Variants in CPNE4 observed in about 807,000 individuals in gnomAD.
The protein encoded by CPNE4 is copine 4.
Under a neutral mutation model 67.9 loss-of-function variants are expected in CPNE4, and 25 were observed. The ratio of observed to expected loss-of-function variants is 0.37; its 90% CI spans 0.27 to 0.51. The LOEUF is 0.51. Ranked by LOEUF, CPNE4 falls within the 20% of genes least tolerant of loss-of-function variation. The pLI is 0.93. For missense variants in CPNE4, 464 were observed against 690.8 expected (o/e 0.67, Z 3.68); for synonymous variants, 242 against 244.9 (o/e 0.99, Z 0.11).
chr3:131,904,328 A>G (rs930041002), intron 2 of CPNE4, among the ~76,000 whole-genome samples: 3 of 152,086 alleles, frequency 2.0e-5, no homozygotes, highest in African/African-American at 7.2e-5. Context: ...TGATTTCCAC[A>G]TGCAGGATTC....
chr3:131,692,249 C>A (rs969911259), intron 5 of CPNE4, among the ~76,000 whole-genome samples: 1 of 152,022 alleles, frequency 6.6e-6, no homozygotes, highest in Non-Finnish European at 1.5e-5. Context: ...TTTTGTGACT[C>A]TGGGAAATGT....
At chr3:131,805,667 T>G (rs1476896872) in intron 2 of CPNE4, among the ~76,000 whole-genome samples, 1 of 152,162 alleles carries the variant, frequency 6.6e-6, no homozygotes, top group Non-Finnish European at 1.5e-5. Context: ...AAAAATGGTT[T>G]CTTCATGTAA....
chr3:132,003,204 T>C (rs941171342), intron 1 of CPNE4, among the ~76,000 whole-genome samples: 1 of 152,148 alleles, frequency 6.6e-6, no homozygotes, highest in Non-Finnish European at 1.5e-5. Context: ...TTCATATGCA[T>C]GTGAATTGAC....
chr3:131,924,403 A>G (rs1272126328), intron 1 of CPNE4, among the ~76,000 whole-genome samples: 1 of 152,214 alleles, frequency 6.6e-6, no homozygotes, highest in Admixed American at 6.5e-5. Flanking sequence ...AAATGATTTA[A>G]TGTAAATCAC....
At chr3:131,754,844 A>G (rs2082715592) in intron 2 of CPNE4, among the ~76,000 whole-genome samples, 1 of 152,164 alleles carries the variant, frequency 6.6e-6, no homozygotes, top group Admixed American at 6.5e-5. Flanking sequence ...GGTATTTTGT[A>G]TTTGATGAAT....
intron 1 of CPNE4, among the ~76,000 whole-genome samples, chr3:131,943,680 C>A (rs1029923598): frequency 2.0e-5 from 3 of 152,108 alleles, no homozygotes; most frequent in Non-Finnish European, 4.4e-5. Context: ...CCTTCTCCTG[C>A]AGCATCCATC....
At chr3:131,652,131 T>G (rs2079829103) in intron 7 of CPNE4, among the ~76,000 whole-genome samples, 1 of 152,252 alleles carries the variant, frequency 6.6e-6, no homozygotes, top group Non-Finnish European at 1.5e-5. Context: ...GTGCGGCTGC[T>G]AAGTCTCAAA....
intron 6 of CPNE4, among the ~76,000 whole-genome samples, chr3:131,683,278 C>T (rs2080803324): frequency 6.6e-6 from 1 of 152,214 alleles, no homozygotes; most frequent in African/African-American, 2.4e-5. Context: ...GTGTTTCACC[C>T]AAGGCCCATG....
At chr3:131,874,862 C>G (rs1308176505) in intron 2 of CPNE4, among the ~76,000 whole-genome samples, 1 of 152,142 alleles carries the variant, frequency 6.6e-6, no homozygotes, top group Non-Finnish European at 1.5e-5. Flanking sequence ...AGGAAAATCA[C>G]GTGTATATAA....
intron 1 of CPNE4, among the ~76,000 whole-genome samples, chr3:132,009,553 A>G (rs541258983): frequency 2.0e-5 from 3 of 152,318 alleles, no homozygotes; most frequent in Non-Finnish European, 4.4e-5. Flanking sequence ...GGTGTCTGAG[A>G]AATTTGGGAA....
Position 131,547,455 on chromosome 3 carries a change from C to CAAAAAAAAAAAAAAAAAAAAAAA in CPNE4, c.1302+2469_1302+2491dup, listed in dbSNP as rs56412825. The stretch of plus-strand genomic sequence containing the variant: ...TGGGTGATAGACCAAGACCCTGTCG[C>CAAAAAAAAAAAAAAAAAAAAAAA]AAAAAAAAAAAAAAAAAAAAAAAAA... On this transcript the variant is annotated intron_variant, in intron 14 of 15. Transcript: ENST00000429747. 1.1e-4 allele frequency among the ~76,000 whole-genome samples: 4 copies of CAAAAAAAAAAAAAAAAAAAAAAA among 36,524 alleles called. 2 individuals carry two copies. Among genetic ancestry groups the CAAAAAAAAAAAAAAAAAAAAAAA allele is most frequent in the Non-Finnish European group, 2.3e-4 (4 of 17,696 alleles). The allele number at this position is 36,524 out of a possible 152,430, so 24.0% of individuals were successfully genotyped here.
At chr3:131,995,876 A>T (rs1348968740) in intron 1 of CPNE4, among the ~76,000 whole-genome samples, 1 of 152,210 alleles carries the variant, frequency 6.6e-6, no homozygotes, top group Non-Finnish European at 1.5e-5. Context: ...CAGCATATTT[A>T]GCAAGGAAGA....
chr3:131,769,872 C>T (rs2083120853), intron 2 of CPNE4, among the ~76,000 whole-genome samples: 1 of 152,050 alleles, frequency 6.6e-6, no homozygotes, highest in South Asian at 2.1e-4. Flanking sequence ...AAGAACATAA[C>T]TTATTTTCTC....
chr3:131,689,450 A>T (rs2080976068), intron 5 of CPNE4, among the ~76,000 whole-genome samples: 1 of 152,194 alleles, frequency 6.6e-6, no homozygotes, highest in African/African-American at 2.4e-5. Flanking sequence ...ATCAAAAACC[A>T]TATGATCATC....
intron 10 of CPNE4, among the ~76,000 whole-genome samples, chr3:131,573,541 AAT>A (rs1293776827): frequency 1.3e-5 from 2 of 152,116 alleles, no homozygotes; most frequent in African/African-American, 4.8e-5. Flanking sequence ...CTGAAGGTTG[AAT>A]ACAGAGTTGT....
chr3:131,922,425 T>C (rs1161458826), intron 1 of CPNE4, among the ~76,000 whole-genome samples: 3 of 152,178 alleles, frequency 2.0e-5, no homozygotes, highest in South Asian at 2.1e-4. Flanking sequence ...GAATCATCAC[T>C]ACCTCATCCA....
chr3:131,756,580 G>T (rs1178344811), intron 2 of CPNE4, among the ~76,000 whole-genome samples: 1 of 152,200 alleles, frequency 6.6e-6, no homozygotes, highest in Non-Finnish European at 1.5e-5. Context: ...TGCCACAGTG[G>T]CCAGCTTTGG....
intron 1 of CPNE4, among the ~76,000 whole-genome samples, chr3:132,026,672 T>A (rs938809683): frequency 2.0e-5 from 3 of 152,190 alleles, no homozygotes; most frequent in Non-Finnish European, 4.4e-5. Flanking sequence ...TTCTGCAAGA[T>A]AAATGCATAT....
chr3:131,814,358 C>G (rs965764042), intron 2 of CPNE4, among the ~76,000 whole-genome samples: 3 of 151,966 alleles, frequency 2.0e-5, no homozygotes, highest in Non-Finnish European at 2.9e-5. Context: ...AAACAGCACT[C>G]TAGAGGGTCT....
Sources: allele counts gnomAD v4.1 joint callset (sites outside exome capture counted in the v4.1 genomes callset), GRCh38; gene constraint gnomAD v4.1.1; transcripts MANE v1.5; gene names NCBI Gene and HGNC (gene_info 2026-07-23, HGNC 2026-07-21).